FIGN: variants seen among roughly 807,000 people sequenced by gnomAD.
The protein encoded by FIGN is fidgetin.
FIGN carries 11 observed loss-of-function variants against 51.3 expected under a neutral mutation model. The observed-to-expected ratio is 0.21, with a 90% confidence interval of 0.13 to 0.35. The LOEUF (loss-of-function observed/expected upper bound fraction) is 0.35, where lower values mean the gene tolerates loss of function less well. Ranked by LOEUF, FIGN falls within the 10% of genes least tolerant of loss-of-function variation. The pLI is 1.00. For missense variants in FIGN, 857 were observed against 943.6 expected (o/e 0.91, Z 1.20); for synonymous variants, 407 against 363.2 (o/e 1.12, Z -1.37).
At chr2:163,612,196 A>C in intron 2 of FIGN, 1 of 521,934 alleles carries the variant, frequency 1.9e-6, no homozygotes. Flanking sequence ...ATAAGCAGAC[A>C]TTTTAAATAT....
At chr2:163,612,152 C>A (rs1490783385) in intron 2 of FIGN, among the ~76,000 whole-genome samples, 1 of 152,164 alleles carries the variant, frequency 6.6e-6, no homozygotes, top group Non-Finnish European at 1.5e-5. Context: ...ACACACATTC[C>A]TGTCAAATTA....
intron 2 of FIGN, among the ~76,000 whole-genome samples, chr2:163,685,953 T>C (rs995523340): frequency 8.5e-5 from 13 of 152,198 alleles, no homozygotes; most frequent in Admixed American, 6.5e-5. Flanking sequence ...GGCAGATTTA[T>C]AGAAAAAAAC....
intron 2 of FIGN, among the ~76,000 whole-genome samples, chr2:163,661,614 G>A (rs761427805): frequency 2.0e-5 from 3 of 152,112 alleles, no homozygotes; most frequent in Non-Finnish European, 4.4e-5. Flanking sequence ...AGGTTTGGGT[G>A]TGTCCCCACC....
intron 2 of FIGN, among the ~76,000 whole-genome samples, chr2:163,705,496 C>A (rs761303293): frequency 6.6e-5 from 10 of 152,052 alleles, no homozygotes; most frequent in Non-Finnish European, 1.2e-4. Flanking sequence ...AATTTCAAGA[C>A]AATGGCAGAA....
intron 2 of FIGN, among the ~76,000 whole-genome samples, chr2:163,648,773 G>A (rs1456205291): frequency 4.6e-5 from 7 of 152,214 alleles, no homozygotes; most frequent in South Asian, 4.1e-4. Context: ...CTCCCATACC[G>A]TAAACACTTT....
chr2:163,726,698 A>G (rs1364470791), intron 2 of FIGN, among the ~76,000 whole-genome samples: 4 of 152,086 alleles, frequency 2.6e-5, no homozygotes, highest in Non-Finnish European at 5.9e-5. Context: ...CACATGCACA[A>G]GAACATATTC....
In FIGN at chr2:163,735,039, A is replaced by G; in HGVS notation, c.-112T>C. ...TCAGCTATCAAATGTCACTGCCTTGAAACGTGGGCCCTTTCGTCAGGTATT... is the reference window on the plus strand; with the variant it reads ...TCAGCTATCAAATGTCACTGCCTTGGAACGTGGGCCCTTTCGTCAGGTATT... On this transcript the variant is annotated 5_prime_UTR_variant, in exon 2 of 3. Transcript: ENST00000333129. 1 of 1,068,850 alleles carries G rather than the reference A, an allele frequency of 9.4e-7. No homozygotes were observed. Among genetic ancestry groups the G allele is most frequent in the Non-Finnish European group, 1.4e-6 (1 of 716,510 alleles). The allele number at this position is 1,068,850 out of a possible 1,614,324, so 66.2% of individuals were successfully genotyped here. A position where few individuals can be genotyped will look rare whatever the true frequency, so the allele number is the denominator to read the frequency against.
intron 2 of FIGN, among the ~76,000 whole-genome samples, chr2:163,678,570 T>C (rs1441747854): frequency 6.6e-6 from 1 of 152,194 alleles, no homozygotes; most frequent in African/African-American, 2.4e-5. Flanking sequence ...CCAGACTTTC[T>C]TGTTAACTTG....
At chr2:163,728,903 G>C (rs1260143406) in intron 2 of FIGN, among the ~76,000 whole-genome samples, 4 of 152,148 alleles carry the variant, frequency 2.6e-5, no homozygotes, top group Non-Finnish European at 5.9e-5. Context: ...GCTGGTCCTA[G>C]GTGAAGGTAA....
At chr2:163,651,554 T>C (rs1683478162) in intron 2 of FIGN, among the ~76,000 whole-genome samples, 1 of 152,212 alleles carries the variant, frequency 6.6e-6, no homozygotes, top group South Asian at 2.1e-4. Flanking sequence ...GTTACAGAGC[T>C]GTGAGATTGT....
intron 2 of FIGN, among the ~76,000 whole-genome samples, chr2:163,696,678 G>GT (rs1003580977): frequency 3.3e-5 from 5 of 151,608 alleles, no homozygotes; most frequent in South Asian, 2.1e-4. Flanking sequence ...GTTTTGTTTT[G>GT]TTTTTTTAAG....
intron 2 of FIGN, among the ~76,000 whole-genome samples, chr2:163,630,118 C>T (rs75244806): frequency 6.6e-6 from 1 of 151,346 alleles, no homozygotes; most frequent in Non-Finnish European, 1.5e-5. Flanking sequence ...GCACATGCTA[C>T]CCATGCCTAG....
chr2:163,661,317 G>A (rs1000382713), intron 2 of FIGN, among the ~76,000 whole-genome samples: 1 of 151,736 alleles, frequency 6.6e-6, no homozygotes, highest in Admixed American at 6.6e-5. Flanking sequence ...TCGGCTCACT[G>A]CAACCTCTGC....
At chr2:163,711,657 C>CA (rs35141137) in intron 2 of FIGN, among the ~76,000 whole-genome samples, 98,746 of 133,420 alleles carry the variant, frequency 0.74, 34,878 homozygotes, top group East Asian at 0.86. Context: ...ATTGTTTCTA[C>CA]AAAAAAAAAA....
intron 2 of FIGN, among the ~76,000 whole-genome samples, chr2:163,688,970 G>C (rs1684196591): frequency 1.3e-5 from 2 of 151,944 alleles, no homozygotes; most frequent in South Asian, 4.2e-4. Context: ...AGGAGTTCAA[G>C]ACCAGCCAGT....
chr2:163,710,345 TATG>T (rs1178664425), intron 2 of FIGN, among the ~76,000 whole-genome samples: 4 of 152,212 alleles, frequency 2.6e-5, no homozygotes, highest in African/African-American at 9.6e-5. Flanking sequence ...TCGTGGAAAT[TATG>T]AAGATTAGGC....
chr2:163,698,017 C>T (rs1472135557), intron 2 of FIGN, among the ~76,000 whole-genome samples: 1 of 152,118 alleles, frequency 6.6e-6, no homozygotes, highest in Non-Finnish European at 1.5e-5. Flanking sequence ...GCTCACAGTG[C>T]ACCACCGCCA....
At chr2:163,697,104 C>CTTTT (rs1327854249) in intron 2 of FIGN, among the ~76,000 whole-genome samples, 9 of 109,736 alleles carry the variant, frequency 8.2e-5, no homozygotes, top group African/African-American at 2.1e-4. Flanking sequence ...TCTTTTCTTT[C>CTTTT]TTTTTTTTTT....
rs1322396587 is a variant in FIGN, at chr2:163,611,772, C to T, written c.60G>A (p.Gln20=). 2 of 1,610,778 alleles carry T rather than the reference C, an allele frequency of 1.2e-6. No individual in the cohort carries two copies. The highest frequency in any genetic ancestry group is 1.7e-6 in the Non-Finnish European group (2 of 1,177,278). The change falls in exon 3 of 3, where the codon CAG becomes CAA. Residue 20 remains glutamine (Q), a synonymous_variant. Coordinates refer to ENST00000333129, the MANE Select transcript of FIGN (RefSeq NM_018086.4). ...LKMQWTPEHA[Q]WPEQHFDITS... ...TGATGTCAAAGTGCTGTTCTGGCCA[C>T]TGGGCATGCTCTGGCGTCCACTGCA...
Sources: allele counts gnomAD v4.1 joint callset (sites outside exome capture counted in the v4.1 genomes callset), GRCh38; gene constraint gnomAD v4.1.1; transcripts MANE v1.5; gene names NCBI Gene and HGNC (gene_info 2026-07-23, HGNC 2026-07-21).